The following LBH variants were observed in gnomAD, a reference collection of about 807,000 sequenced individuals.
LBH encodes protein LBH.
LBH carries 7 observed loss-of-function variants against 12.5 expected under a neutral mutation model. That is an observed-to-expected ratio of 0.56 (90% CI 0.32 to 1.05). The LOEUF (loss-of-function observed/expected upper bound fraction) is 1.05, where lower values mean the gene tolerates loss of function less well. Ranked by LOEUF, LBH falls within the 50% of genes least tolerant of loss-of-function variation. The pLI is 0.04. For synonymous variants in LBH, 51 were observed against 50.1 expected (o/e 1.02, Z -0.08); for missense variants, 119 against 138.9 (o/e 0.86, Z 0.72).
chr2:30,255,397 C>T (rs909367316), intron 2 of LBH, among the ~76,000 whole-genome samples: 1 of 113,602 alleles, frequency 8.8e-6, no homozygotes, highest in African/African-American at 3.2e-5. Flanking sequence ...GGGTCCGTGT[C>T]CCCCTCTGCC....
In LBH at chr2:30,257,989, G is replaced by T. The variant is rs1349770164; in HGVS notation, c.*368G>T. The T allele has an allele frequency of 1.1e-5, 2 of 174,776 alleles. No individual in the cohort carries two copies. Among genetic ancestry groups the T allele is most frequent in the Non-Finnish European group, 2.4e-5 (2 of 82,430 alleles). The allele number at this position is 174,776 out of a possible 1,614,324, so 10.8% of individuals were successfully genotyped here. A position where few individuals can be genotyped will look rare whatever the true frequency, so the allele number is the denominator to read the frequency against. On this transcript the variant is annotated 3_prime_UTR_variant, in exon 3 of 3. Coordinates refer to ENST00000395323, the MANE Select transcript of LBH (RefSeq NM_030915.4). ...TGGGTCTTGGTGGGTGGGAGGTGGG[G>T]CATGTGCAAAGCAAGCAAGGAACAT...
At chr2:30,250,004 T>C (rs1218462488) in intron 2 of LBH, among the ~76,000 whole-genome samples, 1 of 152,134 alleles carries the variant, frequency 6.6e-6, no homozygotes, top group Non-Finnish European at 1.5e-5. Flanking sequence ...TGGAAATGAT[T>C]TTCTCATTTT....
intron 2 of LBH, among the ~76,000 whole-genome samples, chr2:30,254,918 C>T (rs1678053652): frequency 6.6e-6 from 1 of 152,272 alleles, no homozygotes; most frequent in African/African-American, 2.4e-5. Flanking sequence ...TCACAGCTGC[C>T]TGGGCAGTGA....
chr2:30,251,050 ATTTTTTTT>A (rs372791263), intron 2 of LBH, among the ~76,000 whole-genome samples: 12 of 122,534 alleles, frequency 9.8e-5, no homozygotes, highest in Non-Finnish European at 1.9e-4. Flanking sequence ...TGTCAGTAGA[ATTTTTTTT>A]TTTTTTTTTT....
rs564529683 is a variant in LBH, at chr2:30,250,854, G to A, written c.130-6579G>A. 1.6e-4 allele frequency among the ~76,000 whole-genome samples: 25 copies of A among 152,024 alleles called. No homozygotes were observed. In the South Asian group the frequency reaches 5.0e-3, roughly 30 times the overall value. On this transcript the variant is annotated intron_variant, in intron 2 of 2. Coordinates refer to ENST00000395323, the MANE Select transcript of LBH (RefSeq NM_030915.4). The stretch of plus-strand genomic sequence containing the variant: ...TTGGTCGGTCAAACAAACGCCCTGG[G>A]ATTCCCAGGAACATCCTGCTGCCTT...
At chr2:30,238,521 T>C (rs1677729973) in intron 2 of LBH, among the ~76,000 whole-genome samples, 1 of 152,230 alleles carries the variant, frequency 6.6e-6, no homozygotes, top group Non-Finnish European at 1.5e-5. Context: ...GAGGATGCTC[T>C]GGGAGGGAGG....
chr2:30,254,466 C>G (rs1307662392), intron 2 of LBH, among the ~76,000 whole-genome samples: 3 of 152,140 alleles, frequency 2.0e-5, no homozygotes, highest in African/African-American at 7.2e-5. Flanking sequence ...GTTTGAGATT[C>G]TGCTCAGGAA....
intron 2 of LBH, among the ~76,000 whole-genome samples, chr2:30,235,108 G>A (rs1175161561): frequency 1.3e-5 from 2 of 152,266 alleles, no homozygotes; most frequent in East Asian, 1.9e-4. Context: ...CATCCTGTCT[G>A]GTGGATCCAA....
chr2:30,253,340 A>T (rs530338784), intron 2 of LBH, among the ~76,000 whole-genome samples: 23 of 152,310 alleles, frequency 1.5e-4, no homozygotes, highest in African/African-American at 5.5e-4. Context: ...TCTGTAAGGA[A>T]ACCAGAAGCT....
Position 30,258,382 on chromosome 2 carries a change from T to C in LBH, c.*761T>C, listed in dbSNP as rs1678123424. Reference sequence around the variant, plus strand: ...ATCGGTTTTTAAGAGGCAGTGCTTTTCAGCTTTTCTCCCTGATATATCCAT... The same window carrying C: ...ATCGGTTTTTAAGAGGCAGTGCTTTCCAGCTTTTCTCCCTGATATATCCAT... On this transcript the variant is annotated 3_prime_UTR_variant, in exon 3 of 3. Transcript: ENST00000395323. 1 of 152,386 alleles carries C rather than the reference T, an allele frequency of 6.6e-6. No homozygotes were observed. 9.4% of individuals were successfully genotyped at this position (152,386 alleles called of 1,614,324 possible).
At chr2:30,233,064 T>G (rs1310476730) in intron 1 of LBH, 6 of 152,270 alleles carry the variant, frequency 3.9e-5, no homozygotes, top group Non-Finnish European at 8.8e-5. Context: ...AGCAGCTAGG[T>G]GCCTTATTAT....
chr2:30,232,397 C>T (rs913741800), intron 1 of LBH: 1 of 815,954 alleles, frequency 1.2e-6, no homozygotes, highest in Non-Finnish European at 1.8e-6. Flanking sequence ...CTTCGCCGTG[C>T]TGAAGGGGAA....
At chr2:30,244,634 G>T (rs1269900400) in intron 2 of LBH, among the ~76,000 whole-genome samples, 1 of 152,106 alleles carries the variant, frequency 6.6e-6, no homozygotes, top group Admixed American at 6.5e-5. Flanking sequence ...TGGACGCGTG[G>T]CTCACACCTA....
At chr2:30,242,461 C>T (rs1677806951) in intron 2 of LBH, among the ~76,000 whole-genome samples, 1 of 152,096 alleles carries the variant, frequency 6.6e-6, no homozygotes, top group Admixed American at 6.5e-5. Context: ...CCAGGCTGGT[C>T]TCAAACTCCT....
At chr2:30,239,072 G>A (rs769723236) in intron 2 of LBH, among the ~76,000 whole-genome samples, 4 of 151,900 alleles carry the variant, frequency 2.6e-5, no homozygotes, top group Non-Finnish European at 4.4e-5. Flanking sequence ...TGTATTTTTA[G>A]TAGAGACGGG....
chr2:30,232,549 G>C, intron 1 of LBH: 5 of 182,176 alleles, frequency 2.7e-5, no homozygotes, highest in East Asian at 1.3e-4. Context: ...GGTTAGAGGA[G>C]AAGCGGCCGG....
At chr2:30,254,310 GTCTC>G (rs1384674441) in intron 2 of LBH, among the ~76,000 whole-genome samples, 1 of 152,096 alleles carries the variant, frequency 6.6e-6, no homozygotes, top group Non-Finnish European at 1.5e-5. Context: ...TGTGAATGTG[GTCTC>G]TCTCTGTCTC....
At chr2:30,232,892 G>C (rs1308276560) in intron 1 of LBH, 1 of 152,410 alleles carries the variant, frequency 6.6e-6, no homozygotes, top group Admixed American at 6.5e-5. Flanking sequence ...TTGCCGCAAA[G>C]CCCCGCATCT....
At chr2:30,238,162 G>C (rs1677720647) in intron 2 of LBH, among the ~76,000 whole-genome samples, 1 of 152,212 alleles carries the variant, frequency 6.6e-6, no homozygotes, top group Non-Finnish European at 1.5e-5. Flanking sequence ...CCTGGGCTCT[G>C]TCTGGGGAAG....
Sources: allele counts gnomAD v4.1 joint callset (sites outside exome capture counted in the v4.1 genomes callset), GRCh38; gene constraint gnomAD v4.1.1; transcripts MANE v1.5; gene names NCBI Gene and HGNC (gene_info 2026-07-23, HGNC 2026-07-21).